PRRT3: variants seen among roughly 807,000 people sequenced by gnomAD.
The protein encoded by PRRT3 is proline-rich transmembrane protein 3.
In PRRT3, 48 loss-of-function variants were observed where a neutral mutation model predicts 56.6. The ratio of observed to expected loss-of-function variants is 0.85; its 90% confidence interval spans 0.67 to 1.08. The LOEUF is 1.08. Among genes scored for constraint, PRRT3 ranks in the 50% least tolerant of loss-of-function variants. The pLI, the probability that PRRT3 is intolerant of heterozygous loss-of-function variation, is 0.00. For missense variants in PRRT3, 1,370 were observed against 1,353.1 expected (o/e 1.01, Z -0.20); for synonymous variants, 641 against 619.1 (o/e 1.04, Z -0.52).
chr3:9,950,384 C>T (rs1373388539), intron 1 of PRRT3, among the ~76,000 whole-genome samples: 2 of 152,258 alleles, frequency 1.3e-5, no homozygotes, highest in African/African-American at 2.4e-5. Flanking sequence ...CTTCCAAGAC[C>T]CTGGCCACCA....
intron 1 of PRRT3, 25 bp from the exon 2 acceptor site, chr3:9,950,197 T>G: frequency 8.0e-7 from 1 of 1,243,486 alleles, no homozygotes; most frequent in East Asian, 2.9e-5. Flanking sequence ...GGGCATGGAA[T>G]GACATGTGAG....
Position 9,949,408 on chromosome 3 carries a change from T to G in PRRT3, c.708A>C (p.Ala236=). ...QGGFEEHLQE[A]AQGPHFTQQD... ...GCTGGGTGAAGTGGGGACCTTGAGC[T>G]GCCTCCTGCAAGTGTTCCTCAAACC... Residue 236 remains alanine, a synonymous_variant, in exon 2 of 4, where the codon GCA becomes GCC. Transcript: ENST00000412055. This position sits in a 1 kb window ranked among gnomAD's most constrained non-coding sequence, Gnocchi z 4.5. 6.2e-7 allele frequency: 1 copy of G among 1,614,140 alleles called. No homozygotes were observed. Among genetic ancestry groups the G allele is most frequent in the Non-Finnish European group, 8.5e-7 (1 of 1,180,012 alleles).
At position 9,949,754 on chromosome 3, in the gene PRRT3, C is replaced by A. The variant is rs1190919168; in HGVS notation, c.362G>T (p.Gly121Val). The change falls in exon 2 of 4, where the codon GGA becomes GTA. Residue 121 changes from glycine (G) to valine (V), a missense_variant. Coordinates refer to ENST00000412055, the MANE Select transcript of PRRT3 (RefSeq NM_207351.5). The surrounding 1 kb of genome is among the most constrained non-coding windows in gnomAD (Gnocchi z 4.5). ...PVTDDLQMAQGPSSHGWTGPL... is the reference protein window; with the variant it reads ...PVTDDLQMAQVPSSHGWTGPL... ...TCCTGTCCAGCCGTGGGAGCTTGGT[C>A]CTTGAGCCATCTGGAGGTCATCAGT... 1 of 1,614,158 alleles carries A rather than the reference C, an allele frequency of 6.2e-7. No individual in the cohort carries two copies. The highest frequency in any genetic ancestry group is 2.2e-5 in the East Asian group (1 of 44,882).
intron 2 of PRRT3, 27 bp from the exon 3 acceptor site, chr3:9,948,940 TAC>T (rs2085574141): frequency 6.5e-7 from 1 of 1,544,574 alleles, no homozygotes; most frequent in African/African-American, 1.4e-5. Flanking sequence ...GTCATCACCT[TAC>T]CTGACCCTCC....
Position 9,946,877 on chromosome 3 carries a change from T to C in PRRT3, c.2296A>G (p.Thr766Ala). Residue 766 changes from threonine to alanine, a missense_variant, in exon 4 of 4, where the codon ACG (threonine) becomes GCG (alanine). Coordinates refer to ENST00000412055, the MANE Select transcript of PRRT3 (RefSeq NM_207351.5). This position sits in a 1 kb window ranked among gnomAD's most constrained non-coding sequence, Gnocchi z 4.1. ...GAGCCCCAGGCGCCTGAACTGGGCG[T>C]GGCCAGCTGCCCACTCTCCGCCGGG... ...RNPAESGQLA[T>A]PSSGAWGSAA... is the part of the protein sequence containing the mutation. 2 of 1,539,018 alleles carry C rather than the reference T, an allele frequency of 1.3e-6. No homozygotes were observed. Among genetic ancestry groups the C allele is most frequent in the Non-Finnish European group, 1.7e-6 (2 of 1,148,190 alleles).
rs1018759845 is a variant in PRRT3, at chr3:9,945,802, T to C, written c.*425A>G. The C allele has an allele frequency of 1.4e-5, 2 of 143,866 alleles. No individual in the cohort carries two copies. Among genetic ancestry groups the C allele is most frequent in the Admixed American group, 1.4e-4 (2 of 13,982 alleles). The allele number at this position is 143,866 out of a possible 1,614,324, so 8.9% of individuals were successfully genotyped here. A position where few individuals can be genotyped will look rare whatever the true frequency, so the allele number is the denominator to read the frequency against. ...CTGTCCCCCGGGGGTTGCCGTCAGG[T>C]AGAGAGGCCTGGGGATGCCTTTTTT... On this transcript the variant is annotated 3_prime_UTR_variant, in exon 4 of 4. Transcript: ENST00000412055.
At position 9,949,663 on chromosome 3, in the gene PRRT3, A is replaced by C. The variant is rs779588724; in HGVS notation, c.453T>G (p.His151Gln). 6.4e-5 allele frequency: 104 copies of C among 1,614,044 alleles called. No individual in the cohort carries two copies. The highest frequency in any genetic ancestry group is 6.7e-5 in the Non-Finnish European group (79 of 1,180,012). The change falls in exon 2 of 4, where the codon CAT becomes CAG. Residue 151 changes from histidine (H) to glutamine (Q), a missense_variant. Transcript: ENST00000412055. The surrounding 1 kb of genome is among the most constrained non-coding windows in gnomAD (Gnocchi z 4.5). ...TGGGAGTTGTGGGGATGAAAGTGAG[A>C]TGAGGGTGGCCCACTGGGTGGGGAG... ...AVAPHPVGHP[H>Q]LTFIPTTPRR...
Position 9,947,940 on chromosome 3 carries a change from G to A in PRRT3, c.1233C>T (p.Ala411=), listed in dbSNP as rs1157907479. ...QSHPPAPPVQ[A]PSTSRRGLIR... ...TGAGGCCCCGGCGTGACGTCGAGGG[G>A]GCCTGGACTGGGGGTGCTGGGGGAT... The change falls in exon 4 of 4, where the codon GCC becomes GCT. Residue 411 remains alanine (A), a synonymous_variant. Coordinates refer to ENST00000412055, the MANE Select transcript of PRRT3 (RefSeq NM_207351.5). The surrounding 1 kb of genome is among the most constrained non-coding windows in gnomAD (Gnocchi z 9.2). The A allele has an allele frequency of 2.8e-6, 4 of 1,408,268 alleles. No individual in the cohort carries two copies. The highest frequency in any genetic ancestry group is 3.7e-6 in the Non-Finnish European group (4 of 1,085,970). The allele number at this position is 1,408,268 out of a possible 1,614,324, so 87.2% of individuals were successfully genotyped here. A position where few individuals can be genotyped will look rare whatever the true frequency, so the allele number is the denominator to read the frequency against.
In PRRT3 at chr3:9,947,291, G is replaced by A. The variant is rs1374095094; in HGVS notation, c.1882C>T (p.Pro628Ser). The A allele has an allele frequency of 2.6e-6, 4 of 1,565,666 alleles. No individual in the cohort carries two copies. Among genetic ancestry groups the A allele is most frequent in the Non-Finnish European group, 3.4e-6 (4 of 1,160,490 alleles). ...CLCRRRLLDGPRGWDASPGPR... is the reference protein window; with the variant it reads ...CLCRRRLLDGSRGWDASPGPR... ...CCCGGGCTGGCATCCCAGCCCCGTG[G>A]GCCGTCCAGCAGGCGGCGACGGCAC... The change falls in exon 4 of 4, where the codon CCA becomes TCA. Residue 628 changes from proline to serine, a missense_variant. Coordinates refer to ENST00000412055, the MANE Select transcript of PRRT3 (RefSeq NM_207351.5). This position sits in a 1 kb window ranked among gnomAD's most constrained non-coding sequence, Gnocchi z 9.2.
In PRRT3 at chr3:9,947,246, C is replaced by T. The variant is rs775586968; in HGVS notation, c.1927G>A (p.Ala643Thr). 8.0e-6 allele frequency: 12 copies of T among 1,501,942 alleles called. No homozygotes were observed. The highest frequency in any genetic ancestry group is 8.8e-6 in the Non-Finnish European group (10 of 1,133,914). The allele number at this position is 1,501,942 out of a possible 1,614,324, so 93.0% of individuals were successfully genotyped here. A position where few individuals can be genotyped will look rare whatever the true frequency, so the allele number is the denominator to read the frequency against. The change falls in exon 4 of 4, where the codon GCG (alanine) becomes ACG (threonine). Residue 643 changes from alanine to threonine, a missense_variant. Transcript: ENST00000412055. The surrounding 1 kb of genome is among the most constrained non-coding windows in gnomAD (Gnocchi z 9.2). ...CTAGCCAGCAGCCCCAGCGCGCCCG[C>T]CACAGCCAACAGCCGAGGGCCCGGG... is the stretch of plus-strand genomic sequence containing the variant. ...ASPGPRLLAV[A>T]GALGLLASGL...
chr3:9,946,099 G>T lies in PRRT3; in HGVS notation c.*128C>A. 1 of 1,395,266 alleles carries T rather than the reference G, an allele frequency of 7.2e-7. No individual in the cohort carries two copies. Among genetic ancestry groups the T allele is most frequent in the Non-Finnish European group, 9.5e-7 (1 of 1,057,880 alleles). 86.4% of individuals were successfully genotyped at this position (1,395,266 alleles called of 1,614,324 possible). ...GTTCCACCCACCTCGGCCTCCCAAA[G>T]TGCTGGGATTCCTGGCGTGAGCCAC... On this transcript the variant is annotated 3_prime_UTR_variant, in exon 4 of 4. Transcript: ENST00000412055. The surrounding 1 kb of genome is among the most constrained non-coding windows in gnomAD (Gnocchi z 4.1).
Position 9,947,595 on chromosome 3 carries a change from G to T in PRRT3, c.1578C>A (p.Tyr526Ter). The change falls in exon 4 of 4, where the codon TAC (tyrosine) becomes TAA (stop). Residue 526 changes from tyrosine to a stop codon, truncating the protein, a stop_gained. Transcript: ENST00000412055. LOFTEE classifies it high-confidence loss of function. This position sits in a 1 kb window ranked among gnomAD's most constrained non-coding sequence, Gnocchi z 9.2. ...LRSAYMLTDP[Y>*]GSQARLGVRG... is the part of the protein sequence containing the mutation. ...GAACGCCCAGCCGCGCCTGCGAGCC[G>T]TAAGGGTCGGTAAGCATGTAGGCGG... 4 of 1,600,826 alleles carry T rather than the reference G, an allele frequency of 2.5e-6. No homozygotes were observed. Among genetic ancestry groups the T allele is most frequent in the Non-Finnish European group, 3.4e-6 (4 of 1,173,766 alleles).
chr3:9,947,658 C>A lies in PRRT3; in HGVS notation c.1515G>T (p.Val505=), dbSNP rs1447264853. 8.3e-6 allele frequency: 13 copies of A among 1,569,636 alleles called. No individual in the cohort carries two copies. Among genetic ancestry groups the A allele is most frequent in the Non-Finnish European group, 1.0e-5 (12 of 1,159,780 alleles). ...AAGCCACGAGCACCAGCACCGCGGC[C>A]ACCAATGCCAGCCGGGGCCCTGCTG... ...AAPAGPRLAL[V]AAVLVLVASA... is the part of the protein sequence containing the mutation. Residue 505 remains valine, a synonymous_variant, in exon 4 of 4, where the codon GTG becomes GTT. Transcript: ENST00000412055. This position sits in a 1 kb window ranked among gnomAD's most constrained non-coding sequence, Gnocchi z 9.2.
intron 1 of PRRT3, among the ~76,000 whole-genome samples, chr3:9,951,147 C>A (rs973381790): frequency 6.6e-6 from 1 of 152,184 alleles, no homozygotes; most frequent in Non-Finnish European, 1.5e-5. Context: ...TTATTTCAAA[C>A]CTGCAGCCTC....
At position 9,946,143 on chromosome 3, in the gene PRRT3, C is replaced by T. The variant is rs2085512937; in HGVS notation, c.*84G>A. On this transcript the variant is annotated 3_prime_UTR_variant, in exon 4 of 4. Coordinates refer to ENST00000412055, the MANE Select transcript of PRRT3 (RefSeq NM_207351.5). This position sits in a 1 kb window ranked among gnomAD's most constrained non-coding sequence, Gnocchi z 4.1. ...GAGCCACCGCGCCTGGCCAGGATGC[C>T]CATTTTTTAAAGGCTCAACTGTCCC... 1 of 1,497,612 alleles carries T rather than the reference C, an allele frequency of 6.7e-7. No homozygotes were observed. Among genetic ancestry groups the T allele is most frequent in the Admixed American group, 2.3e-5 (1 of 44,104 alleles). 92.8% of individuals were successfully genotyped at this position (1,497,612 alleles called of 1,614,324 possible).
At chr3:9,948,941 A>T in intron 2 of PRRT3, 28 bp from the exon 3 acceptor site, 1 of 1,543,770 alleles carries the variant, frequency 6.5e-7, no homozygotes, top group Non-Finnish European at 8.7e-7. Context: ...TCATCACCTT[A>T]CCTGACCCTC....
rs377041596 is a variant in PRRT3 at position 9,947,639 on chromosome 3, C to A, written c.1534G>T (p.Val512Leu). 5.6e-5 allele frequency: 89 copies of A among 1,575,496 alleles called. No individual in the cohort carries two copies. Among genetic ancestry groups the A allele is most frequent in the Admixed American group, 1.3e-4 (7 of 55,070 alleles). Residue 512 changes from valine to leucine, a missense_variant, in exon 4 of 4, where the codon GTG (valine) becomes TTG (leucine). Val to Leu is a conservative substitution (Grantham distance 32). Coordinates refer to ENST00000412055, the MANE Select transcript of PRRT3 (RefSeq NM_207351.5). The surrounding 1 kb of genome is among the most constrained non-coding windows in gnomAD (Gnocchi z 9.2). ...TAGGCGGATCGCAGCGCCGAAGCCA[C>A]GAGCACCAGCACCGCGGCCACCAAT... ...LALVAAVLVLVASALRSAYML... is the reference protein window; with the variant it reads ...LALVAAVLVLLASALRSAYML...
rs959789618 is a variant in PRRT3 at position 9,946,510 on chromosome 3, A to T, written c.2663T>A (p.Val888Glu). 1.3e-6 allele frequency: 2 copies of T among 1,528,404 alleles called. No homozygotes were observed. Among genetic ancestry groups the T allele is most frequent in the African/African-American group, 2.8e-5 (2 of 71,640 alleles). 94.7% of individuals were successfully genotyped at this position (1,528,404 alleles called of 1,614,324 possible). ...VRVRGPVPQH[V>E]VEAPDGAAAA... is the part of the protein sequence containing the mutation. ...GGCTGCCCCGTCGGGTGCTTCCACT[A>T]CGTGCTGTGGGACCGGCCCGCGCAC... The change falls in exon 4 of 4, where the codon GTA becomes GAA. Residue 888 changes from valine (V) to glutamate (E), a missense_variant. Transcript: ENST00000412055. This position sits in a 1 kb window ranked among gnomAD's most constrained non-coding sequence, Gnocchi z 4.1.
At chr3:9,951,427 AAAGACCC>A (rs1243686483) in intron 1 of PRRT3, among the ~76,000 whole-genome samples, 1 of 152,214 alleles carries the variant, frequency 6.6e-6, no homozygotes, top group Non-Finnish European at 1.5e-5. Context: ...CTCCCGGGGA[AAAGACCC>A]AGGCTCACCG....
Sources: allele counts gnomAD v4.1 joint callset (sites outside exome capture counted in the v4.1 genomes callset), GRCh38; gene constraint gnomAD v4.1.1; non-coding constraint Gnocchi (gnomAD v3.1); transcripts MANE v1.5; gene names NCBI Gene and HGNC (gene_info 2026-07-23, HGNC 2026-07-21).